The following MTOR variants were observed in gnomAD, a reference collection of about 807,000 sequenced individuals.
MTOR encodes the protein serine/threonine-protein kinase mTOR.
In MTOR, 70 loss-of-function variants were observed where a neutral mutation model predicts 319.8. The observed-to-expected ratio is 0.22, with a 90% CI of 0.18 to 0.27. MTOR has a LOEUF of 0.27. MTOR is among the 10% of genes least tolerant of loss of function. The probability of loss-of-function intolerance (pLI) is 1.00; values close to 1 mark genes in which losing one functional copy is unlikely to be tolerated. For missense variants in MTOR, 1,890 were observed against 3,274.4 expected (o/e 0.58, Z 10.32); for synonymous variants, 1,183 against 1,211.4 (o/e 0.98, Z 0.49).
In MTOR at chr1:11,256,880, C is replaced by A. The variant is rs535997597; in HGVS notation, c.504+53G>T. The A allele has an allele frequency of 1.1e-5, 17 of 1,543,276 alleles. No individual in the cohort carries two copies. The African/African-American group carries it at 1.8e-4, about 16-fold the overall frequency. Reference sequence around the variant, plus strand: ...CTCAGAAGGAAGCAAAAGACCCCCCCATGACACCATCGTTCCCCAAGCCTG... The same window carrying A: ...CTCAGAAGGAAGCAAAAGACCCCCCAATGACACCATCGTTCCCCAAGCCTG... On this transcript the variant is annotated intron_variant, in intron 4 of 57. Coordinates refer to ENST00000361445, the MANE Select transcript of MTOR (RefSeq NM_004958.4).
Position 11,238,000 on chromosome 1 carries a change from T to C in MTOR, c.2051A>G (p.Asp684Gly), listed in dbSNP as rs1647438476. 3 of 1,614,016 alleles carry C rather than the reference T, an allele frequency of 1.9e-6. No individual in the cohort carries two copies. In the African/African-American group the frequency reaches 4.0e-5, roughly 22 times the overall value. The change falls in exon 13 of 58, where the codon GAT (aspartate) becomes GGT (glycine). Residue 684 changes from aspartate to glycine, a missense_variant. Transcript: ENST00000361445. Reference sequence around the variant, plus strand: ...GTTCTCCGCCTGGGCCAGGTGTGCATCAAAGCGCTCGTCCAGGGACGCCAA... The same window carrying C: ...GTTCTCCGCCTGGGCCAGGTGTGCACCAAAGCGCTCGTCCAGGGACGCCAA... ...CVLASLDERF[D>G]AHLAQAENLQ... is the part of the protein sequence containing the mutation.
intron 32 of MTOR, among the ~76,000 whole-genome samples, chr1:11,145,874 A>G (rs1343754494): frequency 6.6e-6 from 1 of 152,114 alleles, no homozygotes; most frequent in African/African-American, 2.4e-5. Flanking sequence ...ACACACTTCA[A>G]TGGCTCCAGG....
At chr1:11,217,702 C>T (rs370107190) in intron 19 of MTOR, among the ~76,000 whole-genome samples, 3 of 151,520 alleles carry the variant, frequency 2.0e-5, no homozygotes, top group African/African-American at 2.4e-5. Context: ...TGAGCCACCA[C>T]GCCTGGCCCC....
rs796703806 is a variant in MTOR at position 11,117,908 on chromosome 1, C to T, written c.6934-822G>A. Among the ~76,000 whole-genome samples the T allele has an allele frequency of 3.3e-5, 5 of 151,974 alleles. No homozygotes were observed. The South Asian group carries it at 6.3e-4, about 19-fold the overall frequency. ...CAGCCTGACCAACATGGTGAAATCC[C>T]GTTTCTACTAAAAATGCAAAAATTA... On this transcript the variant is annotated intron_variant, in intron 49 of 57. Coordinates refer to ENST00000361445, the MANE Select transcript of MTOR (RefSeq NM_004958.4).
At chr1:11,200,175 A>G (rs1645915584) in intron 26 of MTOR, among the ~76,000 whole-genome samples, 1 of 152,256 alleles carries the variant, frequency 6.6e-6, no homozygotes, top group Admixed American at 6.5e-5. Context: ...AATGCAGAAA[A>G]TAATAATCAT....
chr1:11,181,972 C>T (rs1468068154), intron 28 of MTOR, among the ~76,000 whole-genome samples: 4 of 152,184 alleles, frequency 2.6e-5, no homozygotes, highest in African/African-American at 9.7e-5. Flanking sequence ...AATCCCAGCA[C>T]TTTGGGAGGC....
intron 28 of MTOR, among the ~76,000 whole-genome samples, chr1:11,167,744 C>A (rs942207632): frequency 1.3e-5 from 2 of 152,198 alleles, no homozygotes; most frequent in African/African-American, 4.8e-5. Context: ...AATGGGAACA[C>A]TCATCTTGCT....
In MTOR at chr1:11,128,215, GGTGA is replaced by G; in HGVS notation, c.5911-93_5911-90del. 2 of 1,542,824 alleles carry G rather than the reference GGTGA, an allele frequency of 1.3e-6. No individual in the cohort carries two copies. Among genetic ancestry groups the G allele is most frequent in the Non-Finnish European group, 1.8e-6 (2 of 1,132,628 alleles). On this transcript the variant is annotated intron_variant, in intron 42 of 57. Coordinates refer to ENST00000361445, the MANE Select transcript of MTOR (RefSeq NM_004958.4). This position sits in a 1 kb window ranked among gnomAD's most constrained non-coding sequence, Gnocchi z 5.3. ...TTTTAAGGAGAATAACAAAACAAGTGGTGAGTGTGACATTAACATCTGCTTGAGA... is the reference window on the plus strand; with the variant it reads ...TTTTAAGGAGAATAACAAAACAAGTGGTGTGACATTAACATCTGCTTGAGA...
At chr1:11,134,534 G>T in intron 36 of MTOR, 68 bp from the exon 37 acceptor site, 2 of 1,348,956 alleles carry the variant, frequency 1.5e-6, no homozygotes, top group Non-Finnish European at 2.1e-6. Context: ...GGGAGCTACC[G>T]TTCATCTGAT....
intron 6 of MTOR, among the ~76,000 whole-genome samples, 174 bp from the exon 7 acceptor site, chr1:11,248,268 G>A (rs1258832520): frequency 6.6e-6 from 1 of 152,142 alleles, no homozygotes; most frequent in Non-Finnish European, 1.5e-5. Flanking sequence ...CCTTGCAAGG[G>A]ACCTGATTTT....
chr1:11,120,769 T>C (rs1161063988), intron 49 of MTOR, among the ~76,000 whole-genome samples: 2 of 152,202 alleles, frequency 1.3e-5, no homozygotes, highest in Admixed American at 1.3e-4. Context: ...TGTTATACAA[T>C]GTAAACAGTC....
At chr1:11,176,252 T>A (rs931241159) in intron 28 of MTOR, among the ~76,000 whole-genome samples, 27 of 152,208 alleles carry the variant, frequency 1.8e-4, no homozygotes, top group African/African-American at 6.5e-4. Flanking sequence ...CACAGTAACT[T>A]GACATGGCAG....
chr1:11,178,064 C>CT (rs1645042031), intron 28 of MTOR, among the ~76,000 whole-genome samples: 2 of 152,340 alleles, frequency 1.3e-5, no homozygotes, highest in East Asian at 3.9e-4. Flanking sequence ...TTTCCTCCCA[C>CT]TGATAGATCC....
chr1:11,208,811 C>CAT (rs1414203558), intron 25 of MTOR, among the ~76,000 whole-genome samples: 3 of 152,298 alleles, frequency 2.0e-5, no homozygotes, highest in African/African-American at 7.2e-5. Context: ...CCTCACTACT[C>CAT]AAAGTATGGT....
In MTOR at chr1:11,242,500, C is replaced by CAA. The variant is rs70977555; in HGVS notation, c.1412+612_1412+613dup. On this transcript the variant is annotated intron_variant, in intron 9 of 57. Coordinates refer to ENST00000361445, the MANE Select transcript of MTOR (RefSeq NM_004958.4). Reference sequence around the variant, plus strand: ...GGGCAACCAAAGTAAGACTCCATCTCAAAAAAAAAAAAAAAAAAAAAAAAA... The same window carrying CAA: ...GGGCAACCAAAGTAAGACTCCATCTCAAAAAAAAAAAAAAAAAAAAAAAAAAA... 6.1e-3 allele frequency among the ~76,000 whole-genome samples: 320 copies of CAA among 52,436 alleles called. 25 individuals are homozygous for CAA. The highest frequency in any genetic ancestry group is 8.9e-3 in the African/African-American group (102 of 11,466). 34.4% of individuals were successfully genotyped at this position (52,436 alleles called of 152,430 possible). A position where few individuals can be genotyped will look rare whatever the true frequency, so the allele number is the denominator to read the frequency against.
At chr1:11,139,272 G>A (rs758370037) in intron 36 of MTOR, 32 bp downstream of exon 36, 2 of 1,566,232 alleles carry the variant, frequency 1.3e-6, no homozygotes, top group Non-Finnish European at 1.7e-6. Flanking sequence ...TCTGGAGAAG[G>A]TGGTCTGTTC....
chr1:11,238,147 T>A, intron 12 of MTOR, 99 bp from the exon 13 acceptor site: 1 of 1,190,170 alleles, frequency 8.4e-7, no homozygotes, highest in South Asian at 1.4e-5. Flanking sequence ...GTGGGAAGAT[T>A]CCAGATGCTT....
chr1:11,137,536 C>T (rs779467323), intron 36 of MTOR, among the ~76,000 whole-genome samples: 2 of 152,136 alleles, frequency 1.3e-5, no homozygotes, highest in African/African-American at 4.8e-5. Context: ...TTGTTTTCTC[C>T]ATCCCCAGGA....
At chr1:11,224,130 G>T (rs1422896230) in intron 19 of MTOR, among the ~76,000 whole-genome samples, 2 of 151,930 alleles carry the variant, frequency 1.3e-5, no homozygotes, top group Non-Finnish European at 2.9e-5. Context: ...AATTGGCCTA[G>T]AATGCACTGG....
Sources: gnomAD v4.1 joint callset for allele counts (sites outside exome capture counted in the v4.1 genomes callset) on GRCh38, gnomAD v4.1.1 for gene constraint, Gnocchi (gnomAD v3.1) non-coding constraint, MANE v1.5 for transcripts, NCBI Gene and HGNC (gene_info 2026-07-23, HGNC 2026-07-21) for gene names.